ZNF131: variants seen among roughly 807,000 people sequenced by gnomAD.
ZNF131 encodes zinc finger protein 131.
Under a neutral mutation model 60.0 loss-of-function variants are expected in ZNF131, and 7 were observed. The observed-to-expected ratio is 0.12, with a 90% confidence interval of 0.07 to 0.22. The LOEUF is 0.22. Ranked by LOEUF, ZNF131 falls within the 10% of genes least tolerant of loss-of-function variation. ZNF131 has a pLI of 1.00. For missense variants in ZNF131, 493 were observed against 740.9 expected, an observed-to-expected ratio of 0.67 and a Z score of 3.88; for synonymous variants, 257 against 253.2, an observed-to-expected ratio of 1.01 and a Z score of -0.14.
intron 3 of ZNF131, among the ~76,000 whole-genome samples, chr5:43,129,686 GCT>G (rs1745045176): frequency 6.6e-6 from 1 of 152,036 alleles, no homozygotes; most frequent in African/African-American, 2.4e-5. Context: ...ATGGAGTCTT[GCT>G]CTGTCACCCA....
intron 5 of ZNF131, among the ~76,000 whole-genome samples, chr5:43,166,595 C>T (rs1226486905): frequency 1.3e-5 from 2 of 151,922 alleles, no homozygotes; most frequent in Admixed American, 6.6e-5. Flanking sequence ...CTCTTGACCT[C>T]GTGATCCACC....
At chr5:43,166,150 CTT>C (rs1423522803) in intron 5 of ZNF131, among the ~76,000 whole-genome samples, 18 of 152,184 alleles carry the variant, frequency 1.2e-4, no homozygotes, top group African/African-American at 4.3e-4. Flanking sequence ...CTCACTCTTT[CTT>C]CATAAGCAGT....
chr5:43,172,715 TACC>T, intron 5 of ZNF131, among the ~76,000 whole-genome samples: 1 of 152,324 alleles, frequency 6.6e-6, no homozygotes, highest in South Asian at 2.1e-4. Context: ...ACCTGTTTTA[TACC>T]TCCGTGCCTC....
intron 4 of ZNF131, among the ~76,000 whole-genome samples, chr5:43,152,115 G>A (rs575155979): frequency 1.2e-4 from 18 of 152,122 alleles, no homozygotes; most frequent in Admixed American, 5.9e-4. Context: ...TGATTCTCCT[G>A]CCTCAGATTC....
At chr5:43,157,274 C>G (rs1749081548) in intron 4 of ZNF131, among the ~76,000 whole-genome samples, 1 of 152,202 alleles carries the variant, frequency 6.6e-6, no homozygotes, top group South Asian at 2.1e-4. Flanking sequence ...ATCATTCTTC[C>G]TTGATAAGCA....
intron 4 of ZNF131, among the ~76,000 whole-genome samples, chr5:43,146,505 G>C (rs1747593543): frequency 6.6e-6 from 1 of 152,148 alleles, no homozygotes; most frequent in Non-Finnish European, 1.5e-5. Context: ...TGAGGCAGGA[G>C]AATGGCGTGA....
At chr5:43,158,263 C>G (rs1041801597) in intron 4 of ZNF131, among the ~76,000 whole-genome samples, 1 of 151,244 alleles carries the variant, frequency 6.6e-6, no homozygotes, top group African/African-American at 2.4e-5. Context: ...CCACTGCACC[C>G]GATGTTGTTT....
rs1743920335 is a variant in ZNF131, at chr5:43,122,048, A to AC, written c.-5dup. On this transcript the variant is annotated 5_prime_UTR_variant, in exon 2 of 7. Transcript: ENST00000682664. ...TGCTCTTCTTTTGTAGAGCAGCCCG[A>AC]CGGCCATGGAGGCTGAAGAGACGAT... 6.2e-7 allele frequency: 1 copy of AC among 1,613,688 alleles called. No homozygotes were observed. Among genetic ancestry groups the AC allele is most frequent in the Non-Finnish European group, 8.5e-7 (1 of 1,179,898 alleles).
At chr5:43,160,291 C>G (rs1749518777) in intron 4 of ZNF131, among the ~76,000 whole-genome samples, 1 of 151,996 alleles carries the variant, frequency 6.6e-6, no homozygotes, top group Non-Finnish European at 1.5e-5. Context: ...TCACTTGAGC[C>G]CAGGAGTTCA....
intron 3 of ZNF131, among the ~76,000 whole-genome samples, chr5:43,133,856 A>G (rs1270132723): frequency 6.6e-6 from 1 of 152,234 alleles, no homozygotes; most frequent in Non-Finnish European, 1.5e-5. Flanking sequence ...GTGTGAACAG[A>G]TGTACAACTG....
chr5:43,142,515 A>G (rs984388148), intron 4 of ZNF131, among the ~76,000 whole-genome samples: 2 of 151,842 alleles, frequency 1.3e-5, no homozygotes, highest in African/African-American at 2.4e-5. Flanking sequence ...CGTCTTGGCC[A>G]GGCTGGTCTT....
At chr5:43,147,168 T>C (rs1747690300) in intron 4 of ZNF131, among the ~76,000 whole-genome samples, 1 of 152,116 alleles carries the variant, frequency 6.6e-6, no homozygotes, top group Admixed American at 6.6e-5. Context: ...TCCTTTTCAT[T>C]GCTGAGTAGT....
chr5:43,138,765 T>C (rs1746446114), intron 3 of ZNF131, among the ~76,000 whole-genome samples: 2 of 152,178 alleles, frequency 1.3e-5, no homozygotes, highest in Middle Eastern at 3.2e-3. Flanking sequence ...AGGAAAATAA[T>C]GTGAAGGGCC....
At chr5:43,173,063 A>G in intron 5 of ZNF131, 1 of 276,180 alleles carries the variant, frequency 3.6e-6, no homozygotes, top group Non-Finnish European at 6.7e-6. Flanking sequence ...GTGTAAAGAC[A>G]TGGAACAGAA....
At chr5:43,150,927 A>C (rs992075591) in intron 4 of ZNF131, among the ~76,000 whole-genome samples, 30 of 152,188 alleles carry the variant, frequency 2.0e-4, no homozygotes, top group Admixed American at 2.0e-4. Flanking sequence ...CACCCACCAC[A>C]CTAAGGTTCA....
chr5:43,124,218 A>G (rs558044747), intron 3 of ZNF131: 3 of 152,198 alleles, frequency 2.0e-5, no homozygotes, highest in South Asian at 2.1e-4. Flanking sequence ...AGTTTGTGCT[A>G]TTAATTACCA....
intron 4 of ZNF131, among the ~76,000 whole-genome samples, chr5:43,145,379 G>A (rs1747452961): frequency 6.6e-6 from 1 of 152,174 alleles, no homozygotes; most frequent in African/African-American, 2.4e-5. Flanking sequence ...CGGCCTGGGT[G>A]CAGTGGCTTA....
intron 3 of ZNF131, among the ~76,000 whole-genome samples, chr5:43,131,420 G>C (rs371775454): frequency 3.3e-5 from 5 of 151,156 alleles, no homozygotes; most frequent in Admixed American, 2.6e-4. Context: ...TGATCCTCCT[G>C]CCTTGGCCTC....
chr5:43,128,490 C>T (rs1014595716), intron 3 of ZNF131, among the ~76,000 whole-genome samples: 1 of 151,770 alleles, frequency 6.6e-6, no homozygotes, highest in Non-Finnish European at 1.5e-5. Context: ...CCCGTCTCTA[C>T]TAAAAATACA....
Sources: allele counts gnomAD v4.1 joint callset (sites outside exome capture counted in the v4.1 genomes callset), GRCh38; gene constraint gnomAD v4.1.1; transcripts MANE v1.5; gene names NCBI Gene and HGNC (gene_info 2026-07-23, HGNC 2026-07-21).